Variants in PALM2AKAP2 observed in about 807,000 individuals in gnomAD.
PALM2AKAP2 encodes PALM2 and AKAP2 fusion, also known as PALM2-AKAP2 fusion protein.
PALM2AKAP2 carries 37 observed loss-of-function variants against 71.5 expected under a neutral mutation model. That is an observed-to-expected ratio of 0.52 (90% CI 0.40 to 0.68). PALM2AKAP2 has a LOEUF of 0.68. Ranked by LOEUF, PALM2AKAP2 falls within the 30% of genes least tolerant of loss-of-function variation. The pLI, the probability that PALM2AKAP2 is intolerant of heterozygous loss-of-function variation, is 0.00. For synonymous variants in PALM2AKAP2, 468 were observed against 478.8 expected (o/e 0.98, Z 0.29); for missense variants, 1,224 against 1,191.8 (o/e 1.03, Z -0.40).
intron 7 of PALM2AKAP2, among the ~76,000 whole-genome samples, chr9:110,041,678 A>G (rs969717444): frequency 3.9e-5 from 6 of 152,240 alleles, no homozygotes; most frequent in Admixed American, 3.3e-4. Flanking sequence ...AGCAGGAACC[A>G]CAAACTAGGC....
At chr9:109,908,276 A>C (rs1301224467) in intron 3 of PALM2AKAP2, among the ~76,000 whole-genome samples, 1 of 152,208 alleles carries the variant, frequency 6.6e-6, no homozygotes, top group East Asian at 1.9e-4. Context: ...CCCTTTGATC[A>C]AGATGTTGGA....
At chr9:109,907,216 A>G (rs1386873362) in intron 3 of PALM2AKAP2, among the ~76,000 whole-genome samples, 1 of 152,224 alleles carries the variant, frequency 6.6e-6, no homozygotes, top group Non-Finnish European at 1.5e-5. Context: ...TCTACTGTGC[A>G]CTGCATTGTA....
At chr9:109,757,429 C>A (rs551402377) in intron 1 of PALM2AKAP2, among the ~76,000 whole-genome samples, 7 of 152,190 alleles carry the variant, frequency 4.6e-5, no homozygotes, top group African/African-American at 1.7e-4. Context: ...TATGAAGTAA[C>A]CATCGGTTTC....
At position 109,874,321 on chromosome 9, in the gene PALM2AKAP2, G is replaced by A. The variant is rs73655601; in HGVS notation, c.127-6230G>A. 7.3e-3 allele frequency among the ~76,000 whole-genome samples: 1,113 copies of A among 152,226 alleles called. 16 individuals carry two copies. The highest frequency in any genetic ancestry group is 0.025 in the African/African-American group (1,056 of 41,536). On this transcript the variant is annotated intron_variant, in intron 2 of 9. Transcript: ENST00000302798. ...CCTGATGATTTTGTAAATCCTATTT[G>A]AGCAAAAAAGAAAAAAGGATTCTTG...
chr9:109,909,801 G>C (rs1214824860), intron 3 of PALM2AKAP2, among the ~76,000 whole-genome samples: 1 of 152,120 alleles, frequency 6.6e-6, no homozygotes, highest in Non-Finnish European at 1.5e-5. Context: ...GAGAACAAGG[G>C]CAATCCAGGC....
intron 6 of PALM2AKAP2, among the ~76,000 whole-genome samples, chr9:109,996,164 G>C (rs993191617): frequency 1.3e-5 from 2 of 152,094 alleles, no homozygotes; most frequent in African/African-American, 4.8e-5. Flanking sequence ...AGTGACTCTG[G>C]GTTTTGTTTA....
rs184110270 is a variant in PALM2AKAP2 at position 109,999,450 on chromosome 9, G to A, written c.497-16504G>A. On this transcript the variant is annotated intron_variant, in intron 6 of 9. Transcript: ENST00000302798. ...ACATGGTCTAGTCTAGTCCACCCAT[G>A]TGGTTCCTGCCTCTCCAGTTTAGGG... Among the ~76,000 whole-genome samples the A allele has an allele frequency of 1.3e-4, 20 of 152,192 alleles. No homozygotes were observed. The East Asian group carries it at 3.9e-3, about 29-fold the overall frequency.
rs886958816 is a variant in PALM2AKAP2, at chr9:110,003,834, A to G, written c.497-12120A>G. On this transcript the variant is annotated intron_variant, in intron 6 of 9. Coordinates refer to the PALM2AKAP2 transcript ENST00000302798. ...TTGTTGGTTTAAAGTCTGTTTTATC[A>G]GAGACTAGGATTGCAACCCCTGCCT... 2.6e-5 allele frequency among the ~76,000 whole-genome samples: 4 copies of G among 152,274 alleles called. No homozygotes were observed. In the East Asian group the frequency reaches 5.8e-4, roughly 22 times the overall value.
intron 6 of PALM2AKAP2, among the ~76,000 whole-genome samples, chr9:109,942,013 G>C (rs1408975901): frequency 2.0e-5 from 3 of 152,170 alleles, no homozygotes; most frequent in South Asian, 4.1e-4. Context: ...AGATGAAAGA[G>C]GCCTTCTGCG....
intron 1 of PALM2AKAP2, among the ~76,000 whole-genome samples, chr9:109,667,332 G>A (rs1827501638): frequency 6.6e-6 from 1 of 152,128 alleles, no homozygotes; most frequent in South Asian, 2.1e-4. Context: ...CGAGTACCTA[G>A]CTGTAGGCTA....
intron 1 of PALM2AKAP2, among the ~76,000 whole-genome samples, chr9:110,098,862 A>G (rs141705931): frequency 3.9e-5 from 6 of 152,350 alleles, no homozygotes; most frequent in African/African-American, 9.6e-5. Context: ...TCAGACAAAT[A>G]TATCACAAAT....
chr9:109,850,802 T>G (rs1172895749), intron 1 of PALM2AKAP2, among the ~76,000 whole-genome samples: 1 of 152,210 alleles, frequency 6.6e-6, no homozygotes, highest in African/African-American at 2.4e-5. Flanking sequence ...CAAACAAGCT[T>G]AAGCAGCAGC....
chr9:110,170,365 T>A (rs1274604395), exon 4 of PALM2AKAP2: 1 of 152,664 alleles, frequency 6.6e-6, no homozygotes, highest in Admixed American at 6.5e-5. Flanking sequence ...AGTAGCAATT[T>A]CACAAAATTT....
At chr9:109,904,521 C>T (rs1342356391) in intron 3 of PALM2AKAP2, among the ~76,000 whole-genome samples, 1 of 152,120 alleles carries the variant, frequency 6.6e-6, no homozygotes, top group Admixed American at 6.5e-5. Flanking sequence ...CGTCTCATAC[C>T]GAGATGCCTG....
chr9:109,754,924 C>A (rs1452715496), intron 1 of PALM2AKAP2, among the ~76,000 whole-genome samples: 1 of 152,066 alleles, frequency 6.6e-6, no homozygotes, highest in East Asian at 1.9e-4. Flanking sequence ...CACCACTATC[C>A]AACCAGTTGC....
intron 6 of PALM2AKAP2, chr9:109,944,221 A>C (rs930277249): frequency 6.6e-6 from 1 of 152,206 alleles, no homozygotes; most frequent in Non-Finnish European, 1.5e-5. Context: ...ATTGATCTCC[A>C]AACTTAGGCA....
rs147089165 is a variant in PALM2AKAP2, at chr9:109,844,853, G to A, written c.46-22638G>A. ...CATGTGACATGCCCGCCATGCTCTCGTCATACCTCACCTGTGCTGTAGAAC... is the reference window on the plus strand; with the variant it reads ...CATGTGACATGCCCGCCATGCTCTCATCATACCTCACCTGTGCTGTAGAAC... On this transcript the variant is annotated intron_variant, in intron 1 of 9. Transcript: ENST00000302798. 3.2e-4 allele frequency among the ~76,000 whole-genome samples: 48 copies of A among 152,174 alleles called. No homozygotes were observed. In the East Asian group the frequency reaches 8.7e-3, roughly 28 times the overall value.
intron 1 of PALM2AKAP2, among the ~76,000 whole-genome samples, chr9:110,082,335 G>A (rs1049231835): frequency 3.3e-5 from 5 of 152,166 alleles, no homozygotes; most frequent in Admixed American, 6.5e-5. Flanking sequence ...GGATTTACAG[G>A]CTTGAGCCAC....
rs991131155 is a variant in PALM2AKAP2, at chr9:110,092,740, C to T, written c.157-43387C>T. Among the ~76,000 whole-genome samples, 12 of 152,298 alleles carry T rather than the reference C, an allele frequency of 7.9e-5. No homozygotes were observed. In the South Asian group the frequency reaches 2.3e-3, roughly 29 times the overall value. On this transcript the variant is annotated intron_variant, in intron 1 of 3. Coordinates refer to ENST00000374525, the Ensembl canonical transcript of PALM2AKAP2. ...TAGAAATTCAAACGATGTTATCCGC[C>T]TCTCTTTCCCCACTCAGCTGTGTTT...
Sources: allele counts gnomAD v4.1 joint callset (sites outside exome capture counted in the v4.1 genomes callset), GRCh38; gene constraint gnomAD v4.1.1; transcripts MANE v1.5; gene names NCBI Gene and HGNC (gene_info 2026-07-23, HGNC 2026-07-21).